Variants in KCNH8 observed in about 807,000 individuals in gnomAD.
KCNH8 encodes the protein voltage-gated delayed rectifier potassium channel KCNH8.
Under a neutral mutation model 103.6 loss-of-function variants are expected in KCNH8, and 70 were observed. That is an observed-to-expected ratio of 0.68 (90% CI 0.56 to 0.82). The LOEUF (loss-of-function observed/expected upper bound fraction) is 0.82, where lower values mean the gene tolerates loss of function less well. Ranked by LOEUF, KCNH8 falls within the 40% of genes least tolerant of loss-of-function variation. KCNH8 has a pLI of 0.00. For synonymous variants in KCNH8, 498 were observed against 489.4 expected (o/e 1.02, Z -0.23); for missense variants, 1,217 against 1,329.9 (o/e 0.92, Z 1.32).
At chr3:19,175,077 C>A (rs2125196778) in intron 1 of KCNH8, among the ~76,000 whole-genome samples, 1 of 152,224 alleles carries the variant, frequency 6.6e-6, no homozygotes, top group East Asian at 1.9e-4. Context: ...TATTTTCACA[C>A]CAGAAACCAG....
chr3:19,409,631 C>A (rs531401855), intron 7 of KCNH8, among the ~76,000 whole-genome samples: 4 of 152,174 alleles, frequency 2.6e-5, no homozygotes, highest in Admixed American at 1.3e-4. Flanking sequence ...CTGTTTCACA[C>A]GTACTGACAC....
chr3:19,339,402 G>A (rs542572978), intron 3 of KCNH8, among the ~76,000 whole-genome samples: 8 of 152,176 alleles, frequency 5.3e-5, no homozygotes, highest in African/African-American at 1.9e-4. Flanking sequence ...TTTCTGTAGA[G>A]ATTGTCTGAA....
intron 3 of KCNH8, among the ~76,000 whole-genome samples, chr3:19,292,520 A>G (rs1342873208): frequency 6.6e-6 from 1 of 152,202 alleles, no homozygotes; most frequent in East Asian, 1.9e-4. Flanking sequence ...AAACAATTAT[A>G]TGTGCATTGC....
chr3:19,212,397 T>G (rs2063779732), intron 1 of KCNH8, among the ~76,000 whole-genome samples: 1 of 152,230 alleles, frequency 6.6e-6, no homozygotes, highest in African/African-American at 2.4e-5. Context: ...ACCAGCTTTA[T>G]CTGTGTGAGC....
chr3:19,427,218 G>C (rs1229801030), intron 7 of KCNH8, among the ~76,000 whole-genome samples: 1 of 152,110 alleles, frequency 6.6e-6, no homozygotes, highest in Non-Finnish European at 1.5e-5. Context: ...ATTCTAGTTA[G>C]GTTTATCTAT....
chr3:19,168,317 G>A (rs557893934), intron 1 of KCNH8, among the ~76,000 whole-genome samples: 3 of 152,048 alleles, frequency 2.0e-5, no homozygotes, highest in African/African-American at 7.2e-5. Flanking sequence ...GTGAGCCACC[G>A]CGCCCGGCCC....
intron 1 of KCNH8, among the ~76,000 whole-genome samples, chr3:19,210,958 T>A (rs2063765043): frequency 1.3e-5 from 2 of 152,182 alleles, no homozygotes. Context: ...TATCCAATAT[T>A]CAAATATTTT....
chr3:19,341,173 C>T (rs1179382847), intron 3 of KCNH8, among the ~76,000 whole-genome samples: 1 of 152,092 alleles, frequency 6.6e-6, no homozygotes, highest in Non-Finnish European at 1.5e-5. Flanking sequence ...AAGCTGTGCA[C>T]ATGTTCACTT....
intron 1 of KCNH8, among the ~76,000 whole-genome samples, chr3:19,250,226 C>T (rs1203136741): frequency 1.3e-5 from 2 of 152,002 alleles, no homozygotes; most frequent in Middle Eastern, 3.4e-3. Flanking sequence ...GATTGTGTCA[C>T]TGCACTCCAG....
intron 1 of KCNH8, among the ~76,000 whole-genome samples, chr3:19,179,290 A>G (rs1421911388): frequency 6.6e-6 from 1 of 152,132 alleles, no homozygotes; most frequent in Non-Finnish European, 1.5e-5. Context: ...AGTAATAAAG[A>G]CAAAATATTT....
intron 1 of KCNH8, among the ~76,000 whole-genome samples, chr3:19,236,110 C>T (rs1448953475): frequency 6.6e-6 from 1 of 152,198 alleles, no homozygotes; most frequent in African/African-American, 2.4e-5. Flanking sequence ...ATATAAAAGG[C>T]TCTGCAGATT....
In KCNH8 at chr3:19,504,278, G is replaced by A. The variant is rs141231315; in HGVS notation, c.2041-6085G>A. Among the ~76,000 whole-genome samples, 5 of 152,282 alleles carry A rather than the reference G, an allele frequency of 3.3e-5. No individual in the cohort carries two copies. The East Asian group carries it at 7.7e-4, about 24-fold the overall frequency. ...AAATACCATTCTGGACATAGGACCT[G>A]GCAAAGATTTCATGACAAAGATGCT... On this transcript the variant is annotated intron_variant, in intron 11 of 15. Coordinates refer to ENST00000328405, the MANE Select transcript of KCNH8 (RefSeq NM_144633.3).
intron 1 of KCNH8, among the ~76,000 whole-genome samples, chr3:19,155,049 T>C (rs1212316335): frequency 1.3e-5 from 2 of 152,248 alleles, no homozygotes; most frequent in Non-Finnish European, 2.9e-5. Flanking sequence ...TATTGGATTA[T>C]AAATTCCCTG....
intron 11 of KCNH8, among the ~76,000 whole-genome samples, chr3:19,462,034 T>C (rs1011422048): frequency 6.6e-6 from 1 of 152,188 alleles, no homozygotes; most frequent in Non-Finnish European, 1.5e-5. Flanking sequence ...CTTAATCCAG[T>C]CTATCATTGT....
intron 7 of KCNH8, among the ~76,000 whole-genome samples, chr3:19,398,040 T>G (rs1041415978): frequency 3.9e-5 from 6 of 151,990 alleles, no homozygotes; most frequent in Non-Finnish European, 1.5e-5. Flanking sequence ...ATACAAATAT[T>G]TGATGAGAGA....
At chr3:19,405,347 T>C (rs761302461) in intron 7 of KCNH8, among the ~76,000 whole-genome samples, 1 of 151,900 alleles carries the variant, frequency 6.6e-6, no homozygotes, top group Non-Finnish European at 1.5e-5. Flanking sequence ...AATTATTTTA[T>C]AGAAATATCA....
intron 1 of KCNH8, among the ~76,000 whole-genome samples, chr3:19,249,540 A>G (rs1013540431): frequency 6.6e-6 from 1 of 152,186 alleles, no homozygotes; most frequent in South Asian, 2.1e-4. Context: ...AAACACACAG[A>G]TCAGTCAACT....
chr3:19,330,448 G>T (rs1245138633), intron 3 of KCNH8, among the ~76,000 whole-genome samples: 1 of 152,258 alleles, frequency 6.6e-6, no homozygotes, highest in African/African-American at 2.4e-5. Context: ...CCTTGTAACT[G>T]ATTGGGTTAT....
At chr3:19,203,791 G>T (rs2125219585) in intron 1 of KCNH8, among the ~76,000 whole-genome samples, 1 of 151,988 alleles carries the variant, frequency 6.6e-6, no homozygotes, top group South Asian at 2.1e-4. Flanking sequence ...GTTTTACAAT[G>T]CTTTTTAATA....
Sources: gnomAD v4.1 joint callset for allele counts (sites outside exome capture counted in the v4.1 genomes callset) on GRCh38, gnomAD v4.1.1 for gene constraint, MANE v1.5 for transcripts, NCBI Gene and HGNC (gene_info 2026-07-23, HGNC 2026-07-21) for gene names.